The following DIP2C variants were observed in gnomAD, a reference collection of about 807,000 sequenced individuals.
DIP2C encodes the protein DIP2 acetate--CoA ligase C (putative), also known as disco-interacting protein 2 homolog C.
In DIP2C, 33 loss-of-function variants were observed where a neutral mutation model predicts 192.4. The observed-to-expected ratio is 0.17, with a 90% CI of 0.13 to 0.23. DIP2C has a LOEUF of 0.23. Among genes scored for constraint, DIP2C ranks in the 10% least tolerant of loss-of-function variants. DIP2C has a pLI of 1.00. For missense variants in DIP2C, 1,537 were observed against 2,110.1 expected (o/e 0.73, Z 5.32); for synonymous variants, 979 against 864.1 (o/e 1.13, Z -2.33).
At chr10:497,169 AAAC>A (rs1355230505) in intron 1 of DIP2C, among the ~76,000 whole-genome samples, 1 of 152,212 alleles carries the variant, frequency 6.6e-6, no homozygotes, top group Non-Finnish European at 1.5e-5. Context: ...ACAATACCCC[AAAC>A]AACGTGAGTG....
chr10:511,987 C>T (rs1187012273), intron 1 of DIP2C, among the ~76,000 whole-genome samples: 1 of 152,142 alleles, frequency 6.6e-6, no homozygotes, highest in Non-Finnish European at 1.5e-5. Context: ...GGGAGGCCCT[C>T]GGTAAAAGCG....
chr10:567,791 C>T (rs908982713), intron 1 of DIP2C, among the ~76,000 whole-genome samples: 2 of 152,068 alleles, frequency 1.3e-5, no homozygotes, highest in Admixed American at 6.5e-5. Flanking sequence ...GTGTACACCA[C>T]CTCACCCTGC....
chr10:671,397 G>A (rs1006468082), intron 1 of DIP2C, among the ~76,000 whole-genome samples: 4 of 139,022 alleles, frequency 2.9e-5, no homozygotes, highest in African/African-American at 2.8e-5. Context: ...ACGGACGGAG[G>A]AAACGTCACA....
chr10:671,168 C>T (rs1253926594), intron 1 of DIP2C, among the ~76,000 whole-genome samples: 1 of 152,236 alleles, frequency 6.6e-6, no homozygotes, highest in African/African-American at 2.4e-5. Context: ...CCCTGCCACA[C>T]AGGGGACACA....
chr10:464,689 T>C (rs997447457), intron 3 of DIP2C, among the ~76,000 whole-genome samples: 10 of 152,222 alleles, frequency 6.6e-5, no homozygotes, highest in Non-Finnish European at 1.2e-4. Flanking sequence ...CGTATGTTTA[T>C]TGCAGCACTG....
At chr10:635,008 T>G (rs1300172960) in intron 1 of DIP2C, among the ~76,000 whole-genome samples, 1 of 152,054 alleles carries the variant, frequency 6.6e-6, no homozygotes, top group Non-Finnish European at 1.5e-5. Flanking sequence ...TCTTCCCAAC[T>G]CTCGCTCAGG....
rs565040745 is a variant in DIP2C, at chr10:548,519, G to GAGGCAGGC, written c.86-61997_86-61990dup. On this transcript the variant is annotated intron_variant, in intron 1 of 36. Coordinates refer to ENST00000280886, the MANE Select transcript of DIP2C (RefSeq NM_014974.3). The stretch of plus-strand genomic sequence containing the variant: ...GTGATGTGGCCAGGAGGGAGGGAGG[G>GAGGCAGGC]AGGCAGGCAGGCAGGCAGGCAGGCA... Among the ~76,000 whole-genome samples, 6 of 110,650 alleles carry GAGGCAGGC rather than the reference G, an allele frequency of 5.4e-5. No individual in the cohort carries two copies. The East Asian group carries it at 8.5e-4, about 16-fold the overall frequency. 72.6% of individuals were successfully genotyped at this position (110,650 alleles called of 152,430 possible).
intron 1 of DIP2C, among the ~76,000 whole-genome samples, chr10:612,899 C>A (rs979488217): frequency 2.0e-5 from 3 of 152,212 alleles, no homozygotes; most frequent in Non-Finnish European, 4.4e-5. Flanking sequence ...CACTGGCTGA[C>A]TTGCTGGTTT....
intron 8 of DIP2C, among the ~76,000 whole-genome samples, chr10:413,159 A>G (rs1965295287): frequency 6.6e-6 from 1 of 152,208 alleles, no homozygotes; most frequent in South Asian, 2.1e-4. Context: ...TTCTTTGTAA[A>G]GCTGAAGCAG....
intron 4 of DIP2C, among the ~76,000 whole-genome samples, chr10:438,240 A>G (rs1967428537): frequency 6.6e-6 from 1 of 152,256 alleles, no homozygotes; most frequent in African/African-American, 2.4e-5. Flanking sequence ...TGGATTCAAT[A>G]TGAGAAATAA....
intron 1 of DIP2C, among the ~76,000 whole-genome samples, chr10:518,389 C>T (rs554740314): frequency 1.1e-4 from 16 of 152,262 alleles, no homozygotes; most frequent in Non-Finnish European, 1.8e-4. Context: ...CTGATGTGTA[C>T]GCACTTGCAG....
At chr10:279,108 TTC>T (rs569882004) in intron 36 of DIP2C, among the ~76,000 whole-genome samples, 12 of 152,300 alleles carry the variant, frequency 7.9e-5, no homozygotes, top group Admixed American at 7.8e-4. Context: ...TTCCTGGAAA[TTC>T]TCAACAGTTC....
At chr10:369,686 T>C (rs1263626678) in intron 17 of DIP2C, 53 bp from the exon 18 acceptor site, 10 of 1,613,446 alleles carry the variant, frequency 6.2e-6, no homozygotes, top group Non-Finnish European at 8.5e-6. Flanking sequence ...GCCATCACAA[T>C]CACAGATGTG....
At chr10:580,188 G>A (rs540315874) in intron 1 of DIP2C, among the ~76,000 whole-genome samples, 5 of 152,002 alleles carry the variant, frequency 3.3e-5, no homozygotes, top group African/African-American at 9.7e-5. Context: ...CACATGCGTA[G>A]TGTATACATA....
chr10:554,094 G>A (rs1848722894), intron 1 of DIP2C, among the ~76,000 whole-genome samples: 1 of 152,086 alleles, frequency 6.6e-6, no homozygotes, highest in South Asian at 2.1e-4. Context: ...GGTATAGCTT[G>A]TAACTAACAG....
chr10:557,387 A>G (rs12262087), intron 1 of DIP2C, among the ~76,000 whole-genome samples: 40,824 of 151,550 alleles, frequency 0.27, 7,926 homozygotes, highest in African/African-American at 0.55. Flanking sequence ...CTGTACAGTC[A>G]TACGTGTGTG....
chr10:472,340 ACGCCCACTGCACTTCTGCCT>A, intron 3 of DIP2C, 79 bp downstream of exon 3: 1 of 1,114,352 alleles, frequency 9.0e-7, no homozygotes, highest in Non-Finnish European at 1.3e-6. Flanking sequence ...CTGCAGGTCC[ACGCCCACTGCACTTCTGCCT>A]CGCCCAGTGG....
At chr10:451,513 G>T (rs1304230686) in intron 3 of DIP2C, among the ~76,000 whole-genome samples, 4 of 151,996 alleles carry the variant, frequency 2.6e-5, no homozygotes, top group African/African-American at 9.7e-5. Flanking sequence ...GCCCCAAACT[G>T]GATATTCTTT....
At chr10:381,963 C>T (rs1329940850) in intron 17 of DIP2C, among the ~76,000 whole-genome samples, 1 of 152,046 alleles carries the variant, frequency 6.6e-6, no homozygotes, top group Non-Finnish European at 1.5e-5. Flanking sequence ...TGTTCTCCTA[C>T]AACAGCATAT....
Sources: allele counts gnomAD v4.1 joint callset (sites outside exome capture counted in the v4.1 genomes callset), GRCh38; gene constraint gnomAD v4.1.1; transcripts MANE v1.5; gene names NCBI Gene and HGNC (gene_info 2026-07-23, HGNC 2026-07-21).